Variants in LZTS1 observed in about 807,000 individuals in gnomAD.
LZTS1 encodes leucine zipper putative tumor suppressor 1.
A neutral mutation model predicts 45.8 loss-of-function variants in LZTS1; 31 were observed. The ratio of observed to expected loss-of-function variants is 0.68; its 90% CI spans 0.51 to 0.91. The LOEUF (loss-of-function observed/expected upper bound fraction) is 0.91. Among genes scored for constraint, LZTS1 ranks in the 40% least tolerant of loss-of-function variants. The pLI is 0.00. For missense variants in LZTS1, 821 were observed against 788.9 expected (o/e 1.04, Z -0.49); for synonymous variants, 359 against 357.3 (o/e 1.00, Z -0.05).
At chr8:20,298,337 C>T (rs975314128) in intron 1 of LZTS1, among the ~76,000 whole-genome samples, 10 of 152,276 alleles carry the variant, frequency 6.6e-5, no homozygotes, top group African/African-American at 2.2e-4. Context: ...GCTAGGAATA[C>T]AGGCATGAGC....
chr8:20,254,874 G>A lies in LZTS1; in HGVS notation c.308C>T (p.Pro103Leu). The A allele has an allele frequency of 6.2e-7, 1 of 1,613,878 alleles. No individual in the cohort carries two copies. Among genetic ancestry groups the A allele is most frequent in the African/African-American group, 1.3e-5 (1 of 75,008 alleles). The change falls in exon 2 of 4, where the codon CCC (proline) becomes CTC (leucine). Residue 103 changes from proline to leucine, a missense_variant. Transcript: ENST00000381569. ...ATTGGAGAAGGGCATGAGCTTGGGG[G>A]GTGTGGACGGGTCAAAGTCCACCCC... ...QAGVDFDPST[P>L]PKLMPFSNQL...
rs527510848 is a variant in LZTS1, at chr8:20,249,969, C to T, written c.1544G>A (p.Arg515Gln). 14 of 1,613,954 alleles carry T rather than the reference C, an allele frequency of 8.7e-6. No homozygotes were observed. Among genetic ancestry groups the T allele is most frequent in the Middle Eastern group, 1.7e-4 (1 of 6,060 alleles). The change falls in exon 4 of 4, where the codon CGG (arginine) becomes CAG (glutamine). Residue 515 changes from arginine (R) to glutamine (Q), a missense_variant. By Grantham distance (43) the Arg-to-Gln change is conservative. Transcript: ENST00000381569. ...ERLRAELREE[R>Q]QGHDQMSSGF... is the part of the protein sequence containing the mutation. ...CGAGGACATCTGGTCATGGCCTTGC[C>T]GCTCCTCCCGCAGCTCGGCCCGCAG...
At chr8:20,288,745 AC>A (rs1394005532) in intron 1 of LZTS1, among the ~76,000 whole-genome samples, 1 of 151,290 alleles carries the variant, frequency 6.6e-6, no homozygotes, top group African/African-American at 2.4e-5. Context: ...TCTAGAACTC[AC>A]CCCAACTCTG....
intron 1 of LZTS1, among the ~76,000 whole-genome samples, chr8:20,295,643 A>G (rs961351923): frequency 6.6e-6 from 1 of 152,198 alleles, no homozygotes; most frequent in African/African-American, 2.4e-5. Flanking sequence ...AAAAAGCTAA[A>G]TATGAATACA....
At chr8:20,272,398 C>A (rs1358917559) in intron 1 of LZTS1, among the ~76,000 whole-genome samples, 1 of 152,140 alleles carries the variant, frequency 6.6e-6, no homozygotes, top group African/African-American at 2.4e-5. Context: ...CCTTCTGAGC[C>A]TGACCCCCCT....
At position 20,255,133 on chromosome 8, in the gene LZTS1, G is replaced by C. The variant is rs368057069; in HGVS notation, c.49C>G (p.His17Asp). The change falls in exon 2 of 4, where the codon CAC becomes GAC. Residue 17 changes from histidine to aspartate, a missense_variant. Physicochemically the swap from His to Asp is moderately conservative, Grantham distance 81. Coordinates refer to ENST00000381569, the MANE Select transcript of LZTS1 (RefSeq NM_021020.5). ...LISGHSFHSK[H>D]CRASQYKLRK... is the part of the protein sequence containing the mutation. ...AGCTTGTACTGCGAAGCCCGGCAGT[G>C]CTTGCTGTGGAAGCTGTGGCCGGAG... 1.4e-5 allele frequency: 22 copies of C among 1,614,008 alleles called. No homozygotes were observed. The highest frequency in any genetic ancestry group is 1.9e-5 in the Non-Finnish European group (22 of 1,180,010).
At chr8:20,286,772 T>G (rs1224855449) in intron 1 of LZTS1, among the ~76,000 whole-genome samples, 1 of 152,144 alleles carries the variant, frequency 6.6e-6, no homozygotes, top group African/African-American at 2.4e-5. Context: ...CTGGGGTTCA[T>G]GTGTAGAGGG....
chr8:20,291,728 T>C (rs887658818), intron 1 of LZTS1, among the ~76,000 whole-genome samples: 4 of 151,876 alleles, frequency 2.6e-5, no homozygotes, highest in African/African-American at 9.7e-5. Flanking sequence ...GTAACACATT[T>C]TACAAATGAG....
At chr8:20,283,331 G>T (rs1800730464) in intron 1 of LZTS1, among the ~76,000 whole-genome samples, 1 of 152,144 alleles carries the variant, frequency 6.6e-6, no homozygotes, top group Admixed American at 6.5e-5. Flanking sequence ...TGTCCTCAGA[G>T]AACTACCTTG....
chr8:20,300,071 G>A (rs1223208528), intron 1 of LZTS1, among the ~76,000 whole-genome samples: 1 of 152,138 alleles, frequency 6.6e-6, no homozygotes, highest in African/African-American at 2.4e-5. Flanking sequence ...GAGTGGGTGG[G>A]GGCGAGTGTT....
At chr8:20,269,948 C>T (rs1800439212) in intron 1 of LZTS1, among the ~76,000 whole-genome samples, 1 of 152,182 alleles carries the variant, frequency 6.6e-6, no homozygotes, top group South Asian at 2.1e-4. Context: ...GAGCCTCTCA[C>T]TAACGGGCAC....
intron 1 of LZTS1, among the ~76,000 whole-genome samples, chr8:20,260,658 C>T (rs1220085293): frequency 6.6e-6 from 1 of 152,200 alleles, no homozygotes; most frequent in Non-Finnish European, 1.5e-5. Flanking sequence ...CCTTTTGGGC[C>T]AATGCCAACA....
intron 1 of LZTS1, among the ~76,000 whole-genome samples, chr8:20,297,922 T>A (rs1801006078): frequency 6.6e-6 from 1 of 152,216 alleles, no homozygotes; most frequent in Non-Finnish European, 1.5e-5. Context: ...AACAATTCGA[T>A]GAGCCTAAAT....
chr8:20,274,961 C>CTGTGTGTGTGTGTGTG lies in LZTS1; in HGVS notation c.-134-19662_-134-19647dup, dbSNP rs34482608. 6.6e-3 allele frequency among the ~76,000 whole-genome samples: 836 copies of CTGTGTGTGTGTGTGTG among 125,724 alleles called. 10 individuals are homozygous for CTGTGTGTGTGTGTGTG. Among genetic ancestry groups the CTGTGTGTGTGTGTGTG allele is most frequent in the African/African-American group, 0.019 (719 of 37,432 alleles). 82.5% of individuals were successfully genotyped at this position (125,724 alleles called of 152,430 possible). A position where few individuals can be genotyped will look rare whatever the true frequency, so the allele number is the denominator to read the frequency against. ...CAAAGATAGAGTGGCTGCCATGATACTGTGTGTGTGTGTGTGTGTGTGTCT... is the reference window on the plus strand; with the variant it reads ...CAAAGATAGAGTGGCTGCCATGATACTGTGTGTGTGTGTGTGTGTGTGTGTGTGTGTGTGTGTGTCT... On this transcript the variant is annotated intron_variant, in intron 1 of 3. Transcript: ENST00000381569.
At chr8:20,287,354 T>C (rs1800810376) in intron 1 of LZTS1, among the ~76,000 whole-genome samples, 2 of 152,226 alleles carry the variant, frequency 1.3e-5, no homozygotes. Flanking sequence ...TCCCACATCT[T>C]TGCTGTCAGC....
At position 20,253,154 on chromosome 8, in the gene LZTS1, G is replaced by A. The variant is rs35053302; in HGVS notation, c.777C>T (p.Asp259=). 0.024 allele frequency: 39,494 copies of A among 1,613,302 alleles called. 627 individuals are homozygous for A. Among genetic ancestry groups the A allele is most frequent in the Middle Eastern group, 0.03 (183 of 6,062 alleles). The change falls in exon 3 of 4, where the codon GAC becomes GAT. Residue 259 remains aspartate, a synonymous_variant. Transcript: ENST00000381569. ...GCTCCAGCTCCTGGATGCTGCACTC[G>A]TCCGTGGAGATGGGGGAGCGGACAC... ...PSCVRSPIST[D]ECSIQELEQK...
At chr8:20,284,987 G>A (rs1217389684) in intron 1 of LZTS1, among the ~76,000 whole-genome samples, 2 of 152,172 alleles carry the variant, frequency 1.3e-5, no homozygotes, top group South Asian at 2.1e-4. Flanking sequence ...GAACTCGGCC[G>A]AGCCTCTTTA....
chr8:20,264,886 G>A (rs1800315425), intron 1 of LZTS1, among the ~76,000 whole-genome samples: 2 of 152,214 alleles, frequency 1.3e-5, no homozygotes, highest in African/African-American at 4.8e-5. Flanking sequence ...AGGGGAAGAG[G>A]GAAACGGGAG....
intron 1 of LZTS1, among the ~76,000 whole-genome samples, chr8:20,287,418 A>G (rs1800811267): frequency 6.6e-6 from 1 of 152,252 alleles, no homozygotes. Context: ...AAAAGGTGAA[A>G]GTAAAATGTA....
Sources: gnomAD v4.1 joint callset for allele counts (sites outside exome capture counted in the v4.1 genomes callset) on GRCh38, gnomAD v4.1.1 for gene constraint, MANE v1.5 for transcripts, NCBI Gene and HGNC (gene_info 2026-07-23, HGNC 2026-07-21) for gene names.